AKT3: variants seen among roughly 807,000 people sequenced by gnomAD.
The protein encoded by AKT3 is RAC-gamma serine/threonine-protein kinase.
Under a neutral mutation model 65.3 loss-of-function variants are expected in AKT3, and 15 were observed. The observed-to-expected ratio is 0.23, with a 90% CI of 0.15 to 0.35. The LOEUF (loss-of-function observed/expected upper bound fraction) is 0.35. Ranked by LOEUF, AKT3 falls within the 10% of genes least tolerant of loss-of-function variation. The pLI is 1.00. For missense variants in AKT3, 243 were observed against 576.5 expected, an observed-to-expected ratio of 0.42 and a Z score of 5.92; for synonymous variants, 206 against 183.8, an observed-to-expected ratio of 1.12 and a Z score of -0.98.
intron 2 of AKT3, chr1:243,814,489 C>G (rs1693383582): frequency 6.6e-6 from 1 of 152,098 alleles, no homozygotes; most frequent in Non-Finnish European, 1.5e-5. Flanking sequence ...GGTCAGAAAA[C>G]TCTTCTTACC....
At chr1:243,521,397 A>G (rs1271654648) in intron 12 of AKT3, among the ~76,000 whole-genome samples, 1 of 152,218 alleles carries the variant, frequency 6.6e-6, no homozygotes, top group Non-Finnish European at 1.5e-5. Context: ...TTTAATCTCT[A>G]CTAAATACTG....
At chr1:243,535,271 G>T (rs1002548522) in intron 12 of AKT3, among the ~76,000 whole-genome samples, 2 of 123,186 alleles carry the variant, frequency 1.6e-5, no homozygotes, top group Admixed American at 1.6e-4. Flanking sequence ...TGGTTACATG[G>T]ATGAATTGTA....
chr1:243,520,620 T>G (rs898030056), intron 12 of AKT3, among the ~76,000 whole-genome samples: 1 of 152,196 alleles, frequency 6.6e-6, no homozygotes, highest in African/African-American at 2.4e-5. Flanking sequence ...ACAGCTATAG[T>G]GTCATTAACT....
intron 9 of AKT3, among the ~76,000 whole-genome samples, chr1:243,570,031 T>C (rs1179038344): frequency 6.6e-6 from 1 of 152,228 alleles, no homozygotes; most frequent in African/African-American, 2.4e-5. Flanking sequence ...CATTACATGA[T>C]GTGTATTGAC....
At chr1:243,556,832 T>C (rs1673440079) in intron 10 of AKT3, among the ~76,000 whole-genome samples, 1 of 152,146 alleles carries the variant, frequency 6.6e-6, no homozygotes, top group Non-Finnish European at 1.5e-5. Flanking sequence ...AATCTTCTCA[T>C]TCAGATTTTA....
chr1:243,792,561 A>G (rs1201441357), intron 2 of AKT3, among the ~76,000 whole-genome samples: 2 of 152,188 alleles, frequency 1.3e-5, no homozygotes, highest in African/African-American at 4.8e-5. Flanking sequence ...TAGCCTTACA[A>G]TCACTAAACA....
chr1:243,798,650 A>G (rs1201245483), intron 2 of AKT3, among the ~76,000 whole-genome samples: 3 of 152,084 alleles, frequency 2.0e-5, no homozygotes, highest in Non-Finnish European at 4.4e-5. Context: ...ACTCCTAGAC[A>G]GCAAACAAAC....
chr1:243,793,186 C>G (rs767222444), intron 2 of AKT3: 4 of 152,284 alleles, frequency 2.6e-5, no homozygotes, highest in Non-Finnish European at 5.9e-5. Flanking sequence ...TGACAAGAAA[C>G]ACACGTTGCA....
At chr1:243,551,850 T>C (rs1176574683) in intron 11 of AKT3, among the ~76,000 whole-genome samples, 1 of 152,162 alleles carries the variant, frequency 6.6e-6, no homozygotes, top group African/African-American at 2.4e-5. Flanking sequence ...AAAAATACTG[T>C]AGCTCATTGA....
chr1:243,788,437 G>T (rs1479829811), intron 2 of AKT3, among the ~76,000 whole-genome samples: 2 of 152,068 alleles, frequency 1.3e-5, no homozygotes, highest in African/African-American at 4.8e-5. Flanking sequence ...GGTATTCGTG[G>T]GGGGGACTGA....
chr1:243,604,156 T>C (rs1009026615), intron 8 of AKT3, among the ~76,000 whole-genome samples: 7 of 151,968 alleles, frequency 4.6e-5, no homozygotes, highest in Non-Finnish European at 8.8e-5. Context: ...CAGCCTCCCA[T>C]AGTGCTGAGA....
At chr1:243,809,790 A>T (rs373294792) in intron 2 of AKT3, among the ~76,000 whole-genome samples, 2 of 152,146 alleles carry the variant, frequency 1.3e-5, no homozygotes, top group Non-Finnish European at 2.9e-5. Context: ...GAAGTAAAGC[A>T]CTCCTCAGCA....
At chr1:243,599,955 A>G (rs956122046) in intron 8 of AKT3, among the ~76,000 whole-genome samples, 3 of 152,140 alleles carry the variant, frequency 2.0e-5, no homozygotes, top group Non-Finnish European at 2.9e-5. Context: ...ACTAAAACTA[A>G]TATTAGTATG....
In AKT3 at chr1:243,822,896, T is replaced by C. The variant is rs190371998; in HGVS notation, c.46+20229A>G. The stretch of plus-strand genomic sequence containing the variant: ...CTTCTTCTGAAACTATTCCCAACAA[T>C]TGAAAAGGAGGGACTTCTCCCTAAC... On this transcript the variant is annotated intron_variant, in intron 2 of 13. Transcript: ENST00000673466. 1.1e-3 allele frequency among the ~76,000 whole-genome samples: 162 copies of C among 152,146 alleles called. 2 individuals carry two copies. The highest frequency in any genetic ancestry group is 6.8e-3 in the Middle Eastern group (2 of 294).
chr1:243,551,200 TC>T (rs1673041234), intron 11 of AKT3, among the ~76,000 whole-genome samples: 1 of 152,012 alleles, frequency 6.6e-6, no homozygotes, highest in Non-Finnish European at 1.5e-5. Flanking sequence ...CTTGAAGAAA[TC>T]ACCTAACCCT....
At chr1:243,554,373 G>C (rs948087125) in intron 10 of AKT3, among the ~76,000 whole-genome samples, 1 of 152,058 alleles carries the variant, frequency 6.6e-6, no homozygotes, top group African/African-American at 2.4e-5. Context: ...TTCTAGAAAT[G>C]TTTTGTAAAT....
chr1:243,682,958 A>G (rs1684025831), intron 3 of AKT3, among the ~76,000 whole-genome samples: 1 of 152,192 alleles, frequency 6.6e-6, no homozygotes, highest in South Asian at 2.1e-4. Context: ...ACTTAGCCAT[A>G]AAACATCTCA....
chr1:243,798,211 T>C (rs1220056663), intron 2 of AKT3, among the ~76,000 whole-genome samples: 13 of 133,108 alleles, frequency 9.8e-5, no homozygotes. Flanking sequence ...CAGGCCCTTT[T>C]TTTTTTTTTT....
At chr1:243,706,989 A>G (rs903465767) in intron 2 of AKT3, among the ~76,000 whole-genome samples, 2 of 152,190 alleles carry the variant, frequency 1.3e-5, no homozygotes, top group South Asian at 2.1e-4. Context: ...GAGACAGTGA[A>G]TGCTGTTTAA....
Sources: gnomAD v4.1 joint callset for allele counts (sites outside exome capture counted in the v4.1 genomes callset) on GRCh38, gnomAD v4.1.1 for gene constraint, MANE v1.5 for transcripts, NCBI Gene and HGNC (gene_info 2026-07-23, HGNC 2026-07-21) for gene names.